The following DNAH14 variants were observed in gnomAD, a reference collection of about 807,000 sequenced individuals.
The protein encoded by DNAH14 is dynein axonemal heavy chain 14.
A neutral mutation model predicts 520.9 loss-of-function variants in DNAH14; 478 were observed. That is an observed-to-expected ratio of 0.92 (90% CI 0.85 to 0.99). The LOEUF (loss-of-function observed/expected upper bound fraction) is 0.99, where lower values mean the gene tolerates loss of function less well. Among genes scored for constraint, DNAH14 ranks in the 50% least tolerant of loss-of-function variants. The pLI is 0.00. For synonymous variants in DNAH14, 1,581 were observed against 1,757.2 expected, an observed-to-expected ratio of 0.90 and a Z score of 2.51; for missense variants, 4,831 against 5,234.5, an observed-to-expected ratio of 0.92 and a Z score of 2.38.
intron 17 of DNAH14, among the ~76,000 whole-genome samples, chr1:225,055,071 T>C (rs892495170): frequency 6.6e-6 from 1 of 152,236 alleles, no homozygotes; most frequent in Middle Eastern, 3.4e-3. Context: ...TGTGTTCATT[T>C]TGGGAGTTTT....
At chr1:224,980,334 G>T (rs1037544674) in intron 8 of DNAH14, among the ~76,000 whole-genome samples, 1 of 152,150 alleles carries the variant, frequency 6.6e-6, no homozygotes, top group Admixed American at 6.5e-5. Context: ...GAACATCAGT[G>T]GTAGCCTGGA....
intron 53 of DNAH14, among the ~76,000 whole-genome samples, chr1:225,277,089 A>AGGGGGGAGGGGGAAAGGGGGAG (rs1281981030): frequency 2.3e-5 from 1 of 42,816 alleles, no homozygotes; most frequent in Non-Finnish European, 4.1e-5. Flanking sequence ...GGAAATGGCA[A>AGGGGGGAGGGGGAAAGGGGGAG]GGGGGGAGGG....
chr1:224,948,986 T>C (rs1016108699), intron 1 of DNAH14, among the ~76,000 whole-genome samples: 1 of 152,250 alleles, frequency 6.6e-6, no homozygotes, highest in Non-Finnish European at 1.5e-5. Context: ...CATAATTTTT[T>C]CTTTCATCTG....
At chr1:225,143,740 C>T (rs554250237) in intron 28 of DNAH14, among the ~76,000 whole-genome samples, 1 of 152,030 alleles carries the variant, frequency 6.6e-6, no homozygotes, top group Non-Finnish European at 1.5e-5. Flanking sequence ...ACATAAAATT[C>T]TTTACAAAAT....
chr1:225,137,753 C>A (rs1279040645), intron 27 of DNAH14, among the ~76,000 whole-genome samples: 1 of 152,194 alleles, frequency 6.6e-6, no homozygotes, highest in Non-Finnish European at 1.5e-5. Flanking sequence ...GAAAGAGGAT[C>A]AGGAACCCAC....
intron 54 of DNAH14, among the ~76,000 whole-genome samples, chr1:225,289,207 T>C (rs1184467422): frequency 6.6e-6 from 1 of 152,174 alleles, no homozygotes; most frequent in African/African-American, 2.4e-5. Context: ...GACTTCATGG[T>C]ATATAATTTC....
In DNAH14 at chr1:225,324,881, T is replaced by A. The variant is rs908515434; in HGVS notation, c.9723+49T>A. 3 of 1,386,420 alleles carry A rather than the reference T, an allele frequency of 2.2e-6. No homozygotes were observed. In the African/African-American group the frequency reaches 4.3e-5, roughly 20 times the overall value. The allele number at this position is 1,386,420 out of a possible 1,614,324, so 85.9% of individuals were successfully genotyped here. On this transcript the variant is annotated intron_variant, in intron 64 of 85. Transcript: ENST00000682510. ...AAAATAAGACAAAACACCAGGACAATGTAATTATCTCAGGAGAGCTTATCA... is the reference window on the plus strand; with the variant it reads ...AAAATAAGACAAAACACCAGGACAAAGTAATTATCTCAGGAGAGCTTATCA...
chr1:225,074,295 G>A (rs113137050), intron 17 of DNAH14, among the ~76,000 whole-genome samples: 6,352 of 152,272 alleles, frequency 0.042, 222 homozygotes, highest in Non-Finnish European at 0.061. Flanking sequence ...CACCGCGCCC[G>A]GCCTGTCTTA....
chr1:225,108,005 C>A (rs187189067), intron 23 of DNAH14, among the ~76,000 whole-genome samples: 1 of 152,004 alleles, frequency 6.6e-6, no homozygotes, highest in Non-Finnish European at 1.5e-5. Flanking sequence ...AGGTTGTTGC[C>A]GAAGGAGATT....
At chr1:225,096,079 G>T (rs868012374) in intron 21 of DNAH14, among the ~76,000 whole-genome samples, 18 of 152,242 alleles carry the variant, frequency 1.2e-4, no homozygotes, top group Admixed American at 3.3e-4. Context: ...CATTTCCCCT[G>T]CCTCTGCCTC....
chr1:225,240,706 A>G lies in DNAH14; in HGVS notation c.6632A>G (p.Asp2211Gly). Residue 2211 changes from aspartate (D) to glycine (G), a missense_variant, in exon 43 of 86, where the codon GAT becomes GGT. Physicochemically the swap from Asp to Gly is moderately conservative, Grantham distance 94 (BLOSUM62 -1). Coordinates refer to ENST00000682510, the MANE Select transcript of DNAH14 (RefSeq NM_001367479.1). ...TTTGGAGGAGCTTTAAACCGTGAAG[A>G]TGAACACAGAGAAAATATACCATTT... ...WAFGGALNREDEHRENIPFCP... is the reference protein window; with the variant it reads ...WAFGGALNREGEHRENIPFCP... 2 of 1,551,168 alleles carry G rather than the reference A, an allele frequency of 1.3e-6. No homozygotes were observed. The highest frequency in any genetic ancestry group is 1.4e-5 in the African/African-American group (1 of 73,166).
At chr1:225,194,394 C>T in intron 38 of DNAH14, among the ~76,000 whole-genome samples, 1 of 151,996 alleles carries the variant, frequency 6.6e-6, no homozygotes. Flanking sequence ...ACAAAGTTGA[C>T]AAAAAGTTGC....
intron 41 of DNAH14, among the ~76,000 whole-genome samples, chr1:225,219,028 A>G (rs1261659140): frequency 6.6e-6 from 1 of 151,676 alleles, no homozygotes; most frequent in Non-Finnish European, 1.5e-5. Context: ...CTACATGGAA[A>G]CTGAACAACC....
rs907566848 is a variant in DNAH14, at chr1:225,097,203, A to G, written c.3659A>G (p.Tyr1220Cys). Reference sequence around the variant, plus strand: ...ATGAATTGTCAAAGAAATTGGCTTTATCTTGAACCAGTCTTTCATTCTTCA... The same window carrying G: ...ATGAATTGTCAAAGAAATTGGCTTTGTCTTGAACCAGTCTTTCATTCTTCA... The part of the protein sequence containing the change: ...EWMNCQRNWL[Y>C]LEPVFHSSEI... Residue 1220 changes from tyrosine to cysteine, a missense_variant, in exon 22 of 86, where the codon TAT becomes TGT. Coordinates refer to ENST00000682510, the MANE Select transcript of DNAH14 (RefSeq NM_001367479.1). The G allele has an allele frequency of 9.7e-6, 15 of 1,550,590 alleles. No individual in the cohort carries two copies. The highest frequency in any genetic ancestry group is 1.3e-5 in the Non-Finnish European group (15 of 1,146,488).
In DNAH14 at chr1:225,270,795, C is replaced by T. The variant is rs530417418; in HGVS notation, c.7600C>T (p.Arg2534Cys). 258 of 1,551,108 alleles carry T rather than the reference C, an allele frequency of 1.7e-4. 1 individual carries two copies. Among genetic ancestry groups the T allele is most frequent in the Middle Eastern group, 5.0e-4 (3 of 5,988 alleles). Residue 2534 changes from arginine (R) to cysteine (C), a missense_variant, in exon 50 of 86, where the codon CGT becomes TGT. Physicochemically the swap from Arg to Cys is radical, Grantham distance 180. Coordinates refer to ENST00000682510, the MANE Select transcript of DNAH14 (RefSeq NM_001367479.1). ...CVPVVNDISP[R>C]LLKHFSMLVL... is the part of the protein sequence containing the mutation. The stretch of plus-strand genomic sequence containing the variant: ...TCCAGTTGTGAATGATATCAGCCCA[C>T]GTCTTCTCAAACACTTTTCCATGCT...
intron 49 of DNAH14, among the ~76,000 whole-genome samples, chr1:225,268,939 A>G (rs543579802): frequency 1.3e-5 from 2 of 152,350 alleles, no homozygotes; most frequent in South Asian, 4.1e-4. Flanking sequence ...ATCCCCATCA[A>G]GCTACCAATG....
chr1:224,970,228 C>A (rs191963186), intron 7 of DNAH14, among the ~76,000 whole-genome samples: 4 of 152,056 alleles, frequency 2.6e-5, no homozygotes, highest in Admixed American at 2.0e-4. Context: ...TGAAATAAGC[C>A]CCAGTCCCGT....
intron 68 of DNAH14, among the ~76,000 whole-genome samples, chr1:225,339,696 A>G (rs2095139040): frequency 6.6e-6 from 1 of 152,244 alleles, no homozygotes; most frequent in African/African-American, 2.4e-5. Context: ...GGCAGGCTTC[A>G]GTGATAGACC....
At chr1:224,964,116 T>C (rs1033778836) in intron 4 of DNAH14, among the ~76,000 whole-genome samples, 1 of 152,006 alleles carries the variant, frequency 6.6e-6, no homozygotes, top group Non-Finnish European at 1.5e-5. Context: ...TTAGGAAAAA[T>C]GTCTCCATCC....
Sources: gnomAD v4.1 joint callset for allele counts (sites outside exome capture counted in the v4.1 genomes callset) on GRCh38, gnomAD v4.1.1 for gene constraint, MANE v1.5 for transcripts, NCBI Gene and HGNC (gene_info 2026-07-23, HGNC 2026-07-21) for gene names.